SLC4A1: variants seen among roughly 807,000 people sequenced by gnomAD.
SLC4A1 encodes solute carrier family 4 member 1 (Diego blood group), also known as band 3 anion transport protein.
Under a neutral mutation model 93.1 loss-of-function variants are expected in SLC4A1, and 29 were observed. The ratio of observed to expected loss-of-function variants is 0.31; its 90% CI spans 0.23 to 0.42. SLC4A1 has a LOEUF of 0.42. Ranked by LOEUF, SLC4A1 falls within the 20% of genes least tolerant of loss-of-function variation. The probability of loss-of-function intolerance (pLI) is 1.00; values close to 1 mark genes in which losing one functional copy is unlikely to be tolerated. For synonymous variants in SLC4A1, 469 were observed against 497.2 expected (o/e 0.94, Z 0.76); for missense variants, 965 against 1,190.1 (o/e 0.81, Z 2.78).
At chr17:44,267,802 C>T (rs550703390) in intron 1 of SLC4A1, among the ~76,000 whole-genome samples, 3 of 152,224 alleles carry the variant, frequency 2.0e-5, no homozygotes, top group Admixed American at 2.0e-4. Flanking sequence ...AGATACCCCC[C>T]GCAACACACG....
In SLC4A1 at chr17:44,262,942, A is replaced by C. The variant is rs2047460159; in HGVS notation, c.-68-8T>G. 5 of 1,611,200 alleles carry C rather than the reference A, an allele frequency of 3.1e-6. No individual in the cohort carries two copies. In the East Asian group the frequency reaches 8.9e-5, roughly 29 times the overall value. ...AACCCGCACCGCGGGTCCCTGCAGC[A>C]GAGGGCACAGGCTGAGTGGGGCACA... is the stretch of plus-strand genomic sequence containing the variant. On this transcript the variant is annotated splice_region_variant and splice_polypyrimidine_tract_variant and intron_variant, in intron 1 of 19. Coordinates refer to ENST00000262418, the MANE Select transcript of SLC4A1 (RefSeq NM_000342.4).
At chr17:44,260,305 G>A in intron 6 of SLC4A1, 99 bp downstream of exon 6, 1 of 1,466,216 alleles carries the variant, frequency 6.8e-7, no homozygotes, top group Non-Finnish European at 9.3e-7. Flanking sequence ...TGCCTGGTGA[G>A]GGTAGGGCCA....
At chr17:44,255,635 G>A (rs2047382168) in intron 14 of SLC4A1, 38 bp downstream of exon 14, 1 of 1,601,842 alleles carries the variant, frequency 6.2e-7, no homozygotes, top group Non-Finnish European at 8.5e-7. Context: ...CTGGGATAGG[G>A]CAGTGTTGGC....
At chr17:44,259,608 G>A (rs369289685) in intron 7 of SLC4A1, 27 bp from the exon 8 acceptor site, 1 of 1,587,180 alleles carries the variant, frequency 6.3e-7, no homozygotes, top group African/African-American at 1.3e-5. Context: ...GGTGACGGGA[G>A]TCCTCGGGCC....
intron 1 of SLC4A1, among the ~76,000 whole-genome samples, chr17:44,265,898 T>A (rs2047491931): frequency 6.6e-6 from 1 of 151,896 alleles, no homozygotes; most frequent in Non-Finnish European, 1.5e-5. Flanking sequence ...GGAGAATCCC[T>A]TGAACCAGGG....
chr17:44,262,209 C>T (rs1390734460), intron 3 of SLC4A1: 1 of 372,222 alleles, frequency 2.7e-6, no homozygotes, highest in Non-Finnish European at 4.2e-6. Flanking sequence ...TGGGGCTCCC[C>T]ACCTAAGACC....
chr17:44,255,377 C>T (rs544509987), intron 14 of SLC4A1, 81 bp from the exon 15 acceptor site: 105 of 1,052,186 alleles, frequency 1.0e-4, no homozygotes, highest in Non-Finnish European at 1.3e-4. Context: ...TATTCACCCA[C>T]GGGGCCCTGC....
At chr17:44,259,682 C>T in intron 7 of SLC4A1, 101 bp from the exon 8 acceptor site, 1 of 1,513,402 alleles carries the variant, frequency 6.6e-7, no homozygotes, top group Non-Finnish European at 9.1e-7. Flanking sequence ...TCTCCTGGCA[C>T]CCCCCGGGCA....
In SLC4A1 at chr17:44,251,321, C is replaced by G. The variant is rs768851118; in HGVS notation, c.2493G>C (p.Trp831Cys). Reference protein sequence around the residue: ...DVPYVKRVKTWRMHLFTGIQI... With the variant: ...DVPYVKRVKTCRMHLFTGIQI... ...GGATGCCCGTGAATAAGTGCATGCG[C>G]CAGGTCTTCACCTGCAGGCGGAGGC... is the stretch of plus-strand genomic sequence containing the variant. The change falls in exon 19 of 20, where the codon TGG (tryptophan) becomes TGC (cysteine). Residue 831 changes from tryptophan to cysteine, a missense_variant. Trp to Cys is a radical substitution (Grantham distance 215). Around this residue, in one of 2 missense-constraint regions of SLC4A1, gnomAD observed 770 missense variants for 1,006.6 expected, o/e 0.76. Transcript: ENST00000262418. The G allele has an allele frequency of 7.4e-6, 12 of 1,614,204 alleles. No individual in the cohort carries two copies. Among genetic ancestry groups the G allele is most frequent in the Non-Finnish European group, 7.6e-6 (9 of 1,180,046 alleles).
rs2047405050 is a variant in SLC4A1 at position 44,257,972 on chromosome 17, G to A, written c.1282+14C>T. ...TCAGAGGCAAGAGTTAGGGAGACAG[G>A]TATTGGCACTGACCCAGGAGGCCGC... is the stretch of plus-strand genomic sequence containing the variant. On this transcript the variant is annotated intron_variant, in intron 11 of 19. Coordinates refer to ENST00000262418, the MANE Select transcript of SLC4A1 (RefSeq NM_000342.4). The A allele has an allele frequency of 6.2e-7, 1 of 1,613,722 alleles. No individual in the cohort carries two copies. The highest frequency in any genetic ancestry group is 1.7e-5 in the Admixed American group (1 of 59,994).
At chr17:44,259,025 A>G in intron 9 of SLC4A1, 138 bp downstream of exon 9, 1 of 898,746 alleles carries the variant, frequency 1.1e-6, no homozygotes, top group Non-Finnish European at 1.8e-6. Flanking sequence ...CCCGCCAGGT[A>G]GGATAGCAGC....
rs768313636 is a variant in SLC4A1 at position 44,258,658 on chromosome 17, C to A, written c.877-35G>T. 11 of 1,551,412 alleles carry A rather than the reference C, an allele frequency of 7.1e-6. No individual in the cohort carries two copies. The South Asian group carries it at 9.4e-5, about 13-fold the overall frequency. ...GGAGACAGGGTCAGAGCTGCCCGGA[C>A]CTGCGGAGGGAAAGGACCCAGGAGT... On this transcript the variant is annotated intron_variant, in intron 9 of 19. Transcript: ENST00000262418. This position sits in a 1 kb window ranked among gnomAD's most constrained non-coding sequence, Gnocchi z 6.1.
intron 1 of SLC4A1, among the ~76,000 whole-genome samples, chr17:44,264,521 T>C (rs1298144864): frequency 6.6e-6 from 1 of 152,236 alleles, no homozygotes; most frequent in East Asian, 1.9e-4. Flanking sequence ...GTTCATATTA[T>C]CTGACAATGC....
rs1386187211 is a variant in SLC4A1 at position 44,249,203 on chromosome 17, A to G, written c.*1255T>C. ...ACCACTTCCTGATTCTGTTTCCTCCATCTCTCACCACTTTCACGTCTTTCA... is the reference window on the plus strand; with the variant it reads ...ACCACTTCCTGATTCTGTTTCCTCCGTCTCTCACCACTTTCACGTCTTTCA... On this transcript the variant is annotated 3_prime_UTR_variant, in exon 20 of 20. Coordinates refer to ENST00000262418, the MANE Select transcript of SLC4A1 (RefSeq NM_000342.4). 2 of 453,212 alleles carry G rather than the reference A, an allele frequency of 4.4e-6. No homozygotes were observed. Among genetic ancestry groups the G allele is most frequent in the Non-Finnish European group, 8.8e-6 (2 of 226,038 alleles). 28.1% of individuals were successfully genotyped at this position (453,212 alleles called of 1,614,324 possible).
In SLC4A1 at chr17:44,259,272, A is replaced by G. The variant is rs1598300908; in HGVS notation, c.767T>C (p.Val256Ala). Reference sequence around the variant, plus strand: ...GAAGCGTATAGGCACCGGCAGCTCCACCGCCTCCAGCTCCGCTGCCTCCTG... The same window carrying G: ...GAAGCGTATAGGCACCGGCAGCTCCGCCGCCTCCAGCTCCGCTGCCTCCTG... Reference protein sequence around the residue: ...RLQEAAELEAVELPVPIRFLF... With the variant: ...RLQEAAELEAAELPVPIRFLF... Residue 256 changes from valine (V) to alanine (A), a missense_variant, in exon 9 of 20, where the codon GTG becomes GCG. Transcript: ENST00000262418. 1.9e-6 allele frequency: 3 copies of G among 1,613,780 alleles called. No individual in the cohort carries two copies. The East Asian group carries it at 6.7e-5, about 36-fold the overall frequency.
chr17:44,257,829 G>A (rs187463272), intron 11 of SLC4A1, 22 bp from the exon 12 acceptor site: 9 of 1,613,200 alleles, frequency 5.6e-6, no homozygotes, highest in Non-Finnish European at 5.9e-6. Context: ...GGTCACAGTG[G>A]GATCAAGGTC....
At chr17:44,254,463 C>G in intron 16 of SLC4A1, 33 bp downstream of exon 16, 2 of 1,318,272 alleles carry the variant, frequency 1.5e-6, no homozygotes, top group Non-Finnish European at 2.2e-6. Context: ...TGCCTCCCAC[C>G]CTCCCAGGCC....
At position 44,261,540 on chromosome 17, in the gene SLC4A1, G is replaced by T. The variant is rs772352083; in HGVS notation, c.168+35C>A. On this transcript the variant is annotated intron_variant, in intron 4 of 19. Transcript: ENST00000262418. ...GATCAAATGGTGGGTCCCAAAGGCA[G>T]CATGGGAAAGAACGGAGGAGGCTGG... The T allele has an allele frequency of 8.1e-6, 13 of 1,614,098 alleles. No homozygotes were observed. The Admixed American group carries it at 2.0e-4, about 25-fold the overall frequency.
At chr17:44,260,866 G>A (rs1246785808) in intron 4 of SLC4A1, 51 bp from the exon 5 acceptor site, 2 of 1,595,158 alleles carry the variant, frequency 1.3e-6, no homozygotes, top group Non-Finnish European at 1.7e-6. Context: ...CCAGGGCATA[G>A]TGGGTGCTCA....
Sources: gnomAD v4.1 joint callset for allele counts (sites outside exome capture counted in the v4.1 genomes callset) on GRCh38, gnomAD v4.1.1 for gene constraint, gnomAD v4.1.1 regional missense constraint, Gnocchi (gnomAD v3.1) non-coding constraint, MANE v1.5 for transcripts, NCBI Gene and HGNC (gene_info 2026-07-23, HGNC 2026-07-21) for gene names.